The following MCF2L variants were observed in gnomAD, a reference collection of about 807,000 sequenced individuals.
MCF2L encodes guanine nucleotide exchange factor DBS.
Under a neutral mutation model 153.4 loss-of-function variants are expected in MCF2L, and 97 were observed. That is an observed-to-expected ratio of 0.63 (90% CI 0.54 to 0.75). MCF2L has a LOEUF of 0.75. Ranked by LOEUF, MCF2L falls within the 30% of genes least tolerant of loss-of-function variation. The pLI, the probability that MCF2L is intolerant of heterozygous loss-of-function variation, is 0.00. For synonymous variants in MCF2L, 659 were observed against 632.2 expected (o/e 1.04, Z -0.64); for missense variants, 1,347 against 1,495.2 (o/e 0.90, Z 1.64).
At chr13:112,905,275 C>T (rs145700902) in intron 2 of MCF2L, among the ~76,000 whole-genome samples, 307 of 152,260 alleles carry the variant, frequency 2.0e-3, no homozygotes, top group Non-Finnish European at 3.3e-3. Context: ...GTGTCCAGTC[C>T]CCATTGGCTG....
At chr13:112,900,445 A>C (rs1312044763) in intron 1 of MCF2L, among the ~76,000 whole-genome samples, 1 of 152,232 alleles carries the variant, frequency 6.6e-6, no homozygotes, top group African/African-American at 2.4e-5. Context: ...TAAACAAAAG[A>C]CATGTATGAA....
chr13:112,984,717 T>G (rs1195799634), intron 1 of MCF2L, among the ~76,000 whole-genome samples: 2 of 152,018 alleles, frequency 1.3e-5, no homozygotes, highest in Admixed American at 6.6e-5. Flanking sequence ...GATCTAAGAC[T>G]GTGCACAAAC....
upstream of MCF2L, chr13:112,964,867 A>G (rs1038593718): frequency 1.3e-5 from 2 of 152,232 alleles, no homozygotes; most frequent in African/African-American, 2.4e-5. Context: ...TTTATTTTCT[A>G]TATTTTCCAA....
At chr13:112,928,577 A>G (rs2081431053) in intron 2 of MCF2L, among the ~76,000 whole-genome samples, 1 of 152,108 alleles carries the variant, frequency 6.6e-6, no homozygotes, top group Non-Finnish European at 1.5e-5. Flanking sequence ...ACCCCCAAAA[A>G]AGTCATGATG....
intron 2 of MCF2L, chr13:112,917,350 G>A (rs1368543100): frequency 5.6e-6 from 2 of 359,754 alleles, no homozygotes; most frequent in East Asian, 1.5e-4. Context: ...CCTCATCTGT[G>A]TTTTCACTCA....
intron 2 of MCF2L, among the ~76,000 whole-genome samples, chr13:112,920,027 T>C (rs1351203913): frequency 1.3e-5 from 2 of 152,184 alleles, no homozygotes; most frequent in Non-Finnish European, 2.9e-5. Flanking sequence ...GGAGTGACTG[T>C]TAGGTTTCCT....
intron 1 of MCF2L, among the ~76,000 whole-genome samples, chr13:112,974,887 G>T (rs563295952): frequency 6.6e-6 from 1 of 152,324 alleles, no homozygotes; most frequent in South Asian, 2.1e-4. Context: ...AGCCAAGCTG[G>T]TTCTGCAGCC....
At chr13:112,926,858 A>C (rs899331544) in intron 2 of MCF2L, among the ~76,000 whole-genome samples, 1 of 152,188 alleles carries the variant, frequency 6.6e-6, no homozygotes, top group Non-Finnish European at 1.5e-5. Flanking sequence ...CAGTATGGTG[A>C]CTATAATGAA....
At chr13:112,966,862 T>G (rs2081899290), upstream of MCF2L, among the ~76,000 whole-genome samples, 1 of 152,188 alleles carries the variant, frequency 6.6e-6, no homozygotes, top group Admixed American at 6.5e-5. The surrounding 1 kb of genome is among the most constrained non-coding windows in gnomAD (Gnocchi z 4.1). Context: ...GAAATTTTGC[T>G]AGAAATGCAC....
rs575083932 is a variant in MCF2L at position 112,981,021 on chromosome 13, A to C, written c.79+11563A>C. On this transcript the variant is annotated intron_variant, in intron 1 of 29. Coordinates refer to ENST00000535094, the MANE Select transcript of MCF2L (RefSeq NM_001112732.3). ...TACGTCCCCTTCCTGTGCACTGGGG[A>C]CTCTGACACGTCCCTTTCCTGTGCA... 5.4e-5 allele frequency among the ~76,000 whole-genome samples: 8 copies of C among 147,934 alleles called. No homozygotes were observed. The East Asian group carries it at 1.6e-3, about 29-fold the overall frequency.
rs151199341 is a variant in MCF2L, at chr13:112,951,856, G to A, written c.169+49485G>A. ...TTTACTGTTTCTCACAACTGCATGT[G>A]AACCTACAGTTATCTAAAGCAAGAA... On this transcript the variant is annotated intron_variant, in intron 2 of 29. Coordinates refer to the MCF2L transcript ENST00000375608. This position sits in a 1 kb window ranked among gnomAD's most constrained non-coding sequence, Gnocchi z 4.8. 4.3e-3 allele frequency among the ~76,000 whole-genome samples: 653 copies of A among 152,268 alleles called. 2 individuals carry two copies. The highest frequency in any genetic ancestry group is 0.015 in the African/African-American group (630 of 41,544).
At position 113,031,562 on chromosome 13, in the gene MCF2L, A is replaced by G. The variant is rs1460437177; in HGVS notation, c.278+6804A>G. 6.6e-6 allele frequency among the ~76,000 whole-genome samples: 1 copy of G among 151,920 alleles called. No homozygotes were observed. Among genetic ancestry groups the G allele is most frequent in the Non-Finnish European group, 1.5e-5 (1 of 67,998 alleles). ...GGTGCCAAAGAGTTCATGAGCTGCC[A>G]GAATGCAGGGTGGAGGGAGAATGCG... On this transcript the variant is annotated intron_variant, in intron 3 of 29. Transcript: ENST00000535094. This position sits in a 1 kb window ranked among gnomAD's most constrained non-coding sequence, Gnocchi z 5.5.
chr13:113,012,178 AGTGTGGATGGTGGACAGGCG>A, intron 1 of MCF2L, among the ~76,000 whole-genome samples: 1 of 64,288 alleles, frequency 1.6e-5, no homozygotes, highest in Non-Finnish European at 3.2e-5. Flanking sequence ...GTGGACAGGC[AGTGTGGATGGTGGACAGGCG>A]GTGTGGACGG....
intron 9 of MCF2L, among the ~76,000 whole-genome samples, chr13:113,071,260 C>T (rs1032446298): frequency 2.0e-5 from 3 of 152,102 alleles, no homozygotes; most frequent in African/African-American, 2.4e-5. Context: ...TTTTGTTTTA[C>T]GGTTTTGTTA....
At chr13:112,897,372 G>A (rs571839785) in intron 1 of MCF2L, among the ~76,000 whole-genome samples, 5 of 152,180 alleles carry the variant, frequency 3.3e-5, no homozygotes, top group African/African-American at 7.2e-5. Context: ...TGCCCCAGCC[G>A]GCTCTGCGGG....
chr13:113,063,085 C>A (rs888362204), intron 5 of MCF2L, among the ~76,000 whole-genome samples: 1 of 152,234 alleles, frequency 6.6e-6, no homozygotes, highest in African/African-American at 2.4e-5. Context: ...ATGTCCTTGG[C>A]CATCACAGGC....
chr13:112,933,561 T>C (rs72661920), intron 2 of MCF2L, among the ~76,000 whole-genome samples: 12,848 of 152,294 alleles, frequency 0.084, 727 homozygotes, highest in Non-Finnish European at 0.13. Flanking sequence ...AAGTGGGGGA[T>C]TGGGTCTGGG....
In MCF2L at chr13:113,087,340, C is replaced by T. The variant is rs2034732141; in HGVS notation, c.2479C>T (p.Pro827Ser). Residue 827 changes from proline to serine, a missense_variant, in exon 22 of 30, where the codon CCC (proline) becomes TCC (serine). Pro to Ser is a moderately conservative substitution (Grantham distance 74). Coordinates refer to ENST00000535094, the MANE Select transcript of MCF2L (RefSeq NM_001112732.3). ...TKVKELARFK[P>S]MQRHLFLHEK... ...GGTGAAGGAGCTGGCCAGGTTCAAG[C>T]CCATGCAGCGGCACCTGTTCCTGCA... The T allele has an allele frequency of 6.2e-7, 1 of 1,613,292 alleles. No homozygotes were observed. The highest frequency in any genetic ancestry group is 8.5e-7 in the Non-Finnish European group (1 of 1,180,034).
intron 3 of MCF2L, among the ~76,000 whole-genome samples, chr13:113,033,324 C>CCCCCGTGAT (rs2085893397): frequency 4.0e-5 from 2 of 50,240 alleles, no homozygotes; most frequent in African/African-American, 7.9e-5. Flanking sequence ...GCCCCTGTGG[C>CCCCCGTGAT]GTGAGTGGCC....
Sources: allele counts gnomAD v4.1 joint callset (sites outside exome capture counted in the v4.1 genomes callset), GRCh38; gene constraint gnomAD v4.1.1; non-coding constraint Gnocchi (gnomAD v3.1); transcripts MANE v1.5; gene names NCBI Gene and HGNC (gene_info 2026-07-23, HGNC 2026-07-21).